TNPO1: variants seen among roughly 807,000 people sequenced by gnomAD.
The protein encoded by TNPO1 is transportin 1, also known as transportin-1.
TNPO1 carries 8 observed loss-of-function variants against 119.5 expected under a neutral mutation model. The observed-to-expected ratio is 0.07, with a 90% CI of 0.04 to 0.12. The LOEUF (loss-of-function observed/expected upper bound fraction) is 0.12. Among genes scored for constraint, TNPO1 ranks in the 10% least tolerant of loss-of-function variants. The pLI is 1.00. For missense variants in TNPO1, 576 were observed against 1,089.8 expected (o/e 0.53, Z 6.64); for synonymous variants, 362 against 363.0 (o/e 1.00, Z 0.03).
In TNPO1 at chr5:72,887,059, T is replaced by C. The variant is rs1290463392; in HGVS notation, c.1151-11T>C. On this transcript the variant is annotated splice_polypyrimidine_tract_variant and intron_variant, in intron 11 of 24. Transcript: ENST00000337273. ...GTTAATGTAATATTTTTGAATTAAATATTTCCTTAGGAAAATGTTCTGCTG... is the reference window on the plus strand; with the variant it reads ...GTTAATGTAATATTTTTGAATTAAACATTTCCTTAGGAAAATGTTCTGCTG... The C allele has an allele frequency of 1.2e-6, 2 of 1,600,986 alleles. No homozygotes were observed. The highest frequency in any genetic ancestry group is 1.7e-6 in the Non-Finnish European group (2 of 1,174,038).
At chr5:72,905,843 G>A (rs991343480) in intron 24 of TNPO1, among the ~76,000 whole-genome samples, 2 of 152,152 alleles carry the variant, frequency 1.3e-5, no homozygotes, top group African/African-American at 4.8e-5. Context: ...GTTGCAGTGA[G>A]CCAAGATCTT....
At chr5:72,848,182 C>A in intron 1 of TNPO1, 1 of 1,213,796 alleles carries the variant, frequency 8.2e-7, no homozygotes, top group Non-Finnish European at 1.0e-6. Context: ...CAGACGCTGG[C>A]GGCCGGGCTG....
At chr5:72,893,058 C>A in intron 15 of TNPO1, 81 bp from the exon 16 acceptor site, 1 of 1,030,992 alleles carries the variant, frequency 9.7e-7, no homozygotes, top group Non-Finnish European at 1.5e-6. Flanking sequence ...TGATCAGGAT[C>A]CTGTTGAGCG....
At chr5:72,881,132 A>T (rs932314606) in intron 9 of TNPO1, among the ~76,000 whole-genome samples, 1 of 151,692 alleles carries the variant, frequency 6.6e-6, no homozygotes, top group Non-Finnish European at 1.5e-5. Flanking sequence ...TTATTTTGAG[A>T]TGGAGTCGCA....
intron 9 of TNPO1, 67 bp downstream of exon 9, chr5:72,877,413 T>C (rs1747876780): frequency 2.5e-6 from 2 of 791,256 alleles, no homozygotes; most frequent in Non-Finnish European, 4.0e-6. Flanking sequence ...CATTTTCATA[T>C]TTTTATAAAA....
intron 11 of TNPO1, among the ~76,000 whole-genome samples, chr5:72,886,725 C>T (rs1748667369): frequency 6.6e-6 from 1 of 151,544 alleles, no homozygotes; most frequent in South Asian, 2.1e-4. Flanking sequence ...GGTGAAACCC[C>T]GTCTCTCCTA....
intron 1 of TNPO1, among the ~76,000 whole-genome samples, chr5:72,836,319 A>C (rs1445841657): frequency 6.6e-6 from 1 of 152,162 alleles, no homozygotes; most frequent in Non-Finnish European, 1.5e-5. Flanking sequence ...AGGTGAGGTA[A>C]CAGTGCTCCC....
intron 15 of TNPO1, 50 bp from the exon 16 acceptor site, chr5:72,893,089 A>C (rs1330099936): frequency 1.4e-6 from 2 of 1,406,250 alleles, no homozygotes; most frequent in Admixed American, 1.8e-5. Context: ...CATTCATCAT[A>C]ATCTTCAGTA....
At chr5:72,856,939 A>G (rs986761844) in intron 4 of TNPO1, among the ~76,000 whole-genome samples, 1 of 152,214 alleles carries the variant, frequency 6.6e-6, no homozygotes, top group Non-Finnish European at 1.5e-5. Context: ...GGGCTTAAGC[A>G]GCTAACTTCT....
Position 72,908,727 on chromosome 5 carries a change from C to G in TNPO1, c.*54C>G, listed in dbSNP as rs1189663439. ...CTTATAGGTCCTTCAGTCTTGGAGACTATAAGGGAGCCTCTGCACCCAGGG... is the reference window on the plus strand; with the variant it reads ...CTTATAGGTCCTTCAGTCTTGGAGAGTATAAGGGAGCCTCTGCACCCAGGG... On this transcript the variant is annotated 3_prime_UTR_variant, in exon 25 of 25. Transcript: ENST00000337273. 1.1e-5 allele frequency: 2 copies of G among 179,708 alleles called. No individual in the cohort carries two copies. The highest frequency in any genetic ancestry group is 2.4e-5 in the Non-Finnish European group (2 of 82,526). 11.1% of individuals were successfully genotyped at this position (179,708 alleles called of 1,614,324 possible). A position where few individuals can be genotyped will look rare whatever the true frequency, so the allele number is the denominator to read the frequency against.
At chr5:72,872,170 A>G (rs1747452301) in intron 6 of TNPO1, among the ~76,000 whole-genome samples, 1 of 152,198 alleles carries the variant, frequency 6.6e-6, no homozygotes, top group Non-Finnish European at 1.5e-5. Context: ...GTTGAGAGAA[A>G]TGAAAGCAGT....
intron 22 of TNPO1, among the ~76,000 whole-genome samples, chr5:72,902,624 GTTTC>G (rs1403035885): frequency 6.6e-6 from 1 of 151,548 alleles, no homozygotes; most frequent in Non-Finnish European, 1.5e-5. Flanking sequence ...AGATTTTATT[GTTTC>G]TTTGTTTTTG....
intron 2 of TNPO1, among the ~76,000 whole-genome samples, chr5:72,850,572 G>A (rs1580391046): frequency 6.6e-6 from 1 of 151,616 alleles, no homozygotes; most frequent in African/African-American, 2.4e-5. Flanking sequence ...TGGGAGTCAG[G>A]GCTTGAAGAA....
chr5:72,816,837 G>T, intron 1 of TNPO1, 85 bp downstream of exon 1: 2 of 1,470,414 alleles, frequency 1.4e-6, no homozygotes, highest in Non-Finnish European at 9.1e-7. Context: ...GCGCCTACGG[G>T]AGAGACGCCG....
At position 72,887,128 on chromosome 5, in the gene TNPO1, G is replaced by A. The variant is rs1375026595; in HGVS notation, c.1209G>A (p.Leu403=). Residue 403 remains leucine (L), a synonymous_variant, in exon 12 of 25, where the codon CTG becomes CTA. Transcript: ENST00000337273. ...VLANVYRDEL[L]PHILPLLKEL... Reference sequence around the variant, plus strand: ...CAAATGTGTATCGTGATGAACTGCTGCCACATATTTTGCCCCTTTTGAAAG... The same window carrying A: ...CAAATGTGTATCGTGATGAACTGCTACCACATATTTTGCCCCTTTTGAAAG... The A allele has an allele frequency of 1.9e-6, 3 of 1,613,994 alleles. No individual in the cohort carries two copies. In the Admixed American group the frequency reaches 5.0e-5, roughly 27 times the overall value.
intron 6 of TNPO1, 47 bp downstream of exon 6, chr5:72,865,776 A>AC (rs372199161): frequency 1.3e-6 from 2 of 1,545,642 alleles, no homozygotes; most frequent in African/African-American, 2.8e-5. Context: ...TATAAACCTG[A>AC]CCATTATCTT....
chr5:72,907,001 G>A (rs542636783), intron 24 of TNPO1, among the ~76,000 whole-genome samples: 1 of 152,224 alleles, frequency 6.6e-6, no homozygotes, highest in Admixed American at 6.5e-5. Flanking sequence ...TGGCTTGCTT[G>A]CTTGCTTGTT....
In TNPO1 at chr5:72,893,187, T is replaced by C; in HGVS notation, c.1837T>C (p.Cys613Arg). ...TALQSGFLPYCEPVYQRCVNL... is the reference protein window; with the variant it reads ...TALQSGFLPYREPVYQRCVNL... ...ACTGCAGTCTGGATTCCTTCCGTACTGTGAACCTGTGTATCAGCGTTGTGT... is the reference window on the plus strand; with the variant it reads ...ACTGCAGTCTGGATTCCTTCCGTACCGTGAACCTGTGTATCAGCGTTGTGT... Residue 613 changes from cysteine (C) to arginine (R), a missense_variant, in exon 16 of 25, where the codon TGT becomes CGT. By Grantham distance (180) the Cys-to-Arg change is radical. Around this residue, in one of 6 missense-constraint regions of TNPO1, gnomAD observed 23 missense variants for 105.8 expected, o/e 0.22. Coordinates refer to ENST00000337273, the MANE Select transcript of TNPO1 (RefSeq NM_002270.4). 1 of 1,614,216 alleles carries C rather than the reference T, an allele frequency of 6.2e-7. No individual in the cohort carries two copies.
In TNPO1 at chr5:72,913,800, T is replaced by G. The variant is rs984457347; in HGVS notation, c.*5127T>G. The G allele has an allele frequency of 6.6e-6, 1 of 152,596 alleles. No homozygotes were observed. The allele number at this position is 152,596 out of a possible 1,614,324, so 9.5% of individuals were successfully genotyped here. ...ATTACTGTGTTGTTGTTTTCCTTTG[T>G]GGATATATAAGCAAATTGAGCTTGG... On this transcript the variant is annotated 3_prime_UTR_variant, in exon 25 of 25. Transcript: ENST00000337273.
Sources: allele counts gnomAD v4.1 joint callset (sites outside exome capture counted in the v4.1 genomes callset), GRCh38; gene constraint gnomAD v4.1.1; regional missense constraint gnomAD v4.1.1; transcripts MANE v1.5; gene names NCBI Gene and HGNC (gene_info 2026-07-23, HGNC 2026-07-21).